The following RBMS1 variants were observed in gnomAD, a reference collection of about 807,000 sequenced individuals.
RBMS1 encodes the protein RNA-binding motif, single-stranded-interacting protein 1.
RBMS1 carries 17 observed loss-of-function variants against 62.3 expected under a neutral mutation model. The observed-to-expected ratio is 0.27, with a 90% confidence interval of 0.19 to 0.41. The LOEUF (loss-of-function observed/expected upper bound fraction) is 0.41. Among genes scored for constraint, RBMS1 ranks in the 10% least tolerant of loss-of-function variants. The probability of loss-of-function intolerance (pLI) is 1.00; values close to 1 mark genes in which losing one functional copy is unlikely to be tolerated. For missense variants in RBMS1, 334 were observed against 504.5 expected, an observed-to-expected ratio of 0.66 and a Z score of 3.24; for synonymous variants, 172 against 170.0, an observed-to-expected ratio of 1.01 and a Z score of -0.09.
At position 160,367,317 on chromosome 2, in the gene RBMS1, G is replaced by A. The variant is rs1159164561; in HGVS notation, c.150C>T (p.Ser50=). Residue 50 remains serine, a synonymous_variant, in exon 2 of 14, where the codon AGC becomes AGT. Coordinates refer to ENST00000348849, the MANE Select transcript of RBMS1 (RefSeq NM_016836.4). ...GCTGATCCCATCCTGAGTTGCTACTGCTGCTACTGTTGTTATTACTGCTGG... is the reference window on the plus strand; with the variant it reads ...GCTGATCCCATCCTGAGTTGCTACTACTGCTACTGTTGTTATTACTGCTGG... ...STTSSNNNSS[S]SSNSGWDQLS... 5.0e-6 allele frequency: 8 copies of A among 1,613,956 alleles called. No individual in the cohort carries two copies. Among genetic ancestry groups the A allele is most frequent in the Non-Finnish European group, 6.8e-6 (8 of 1,180,010 alleles).
At chr2:160,475,946 C>A (rs1258589682) in intron 1 of RBMS1, among the ~76,000 whole-genome samples, 1 of 151,716 alleles carries the variant, frequency 6.6e-6, no homozygotes, top group African/African-American at 2.4e-5. Flanking sequence ...AACCTTCGCC[C>A]CCCGAGCTCT....
At chr2:160,313,340 C>A in intron 3 of RBMS1, 93 bp from the exon 4 acceptor site, 1 of 1,228,270 alleles carries the variant, frequency 8.1e-7, no homozygotes, top group African/African-American at 1.5e-5. Flanking sequence ...CTGGTGTGGG[C>A]AAGAGACATG....
At chr2:160,487,168 T>C (rs1360101223) in intron 1 of RBMS1, among the ~76,000 whole-genome samples, 1 of 152,232 alleles carries the variant, frequency 6.6e-6, no homozygotes, top group African/African-American at 2.4e-5. Flanking sequence ...ACAATGCTGG[T>C]AAGTAAAAAA....
chr2:160,375,705 A>G (rs1462888361), intron 1 of RBMS1, among the ~76,000 whole-genome samples: 1 of 152,198 alleles, frequency 6.6e-6, no homozygotes, highest in African/African-American at 2.4e-5. Context: ...CAGTAATTAG[A>G]ACGCAGTAAA....
chr2:160,460,070 G>A (rs1325837712), intron 1 of RBMS1, among the ~76,000 whole-genome samples: 1 of 152,180 alleles, frequency 6.6e-6, no homozygotes, highest in Non-Finnish European at 1.5e-5. Context: ...CCCACAGAAG[G>A]CAGATGCTCC....
intron 5 of RBMS1, 35 bp downstream of exon 5, chr2:160,303,294 GT>G: frequency 6.5e-7 from 1 of 1,538,306 alleles, no homozygotes; most frequent in Non-Finnish European, 8.7e-7. Context: ...CAAAGCTATT[GT>G]TGTTGACATA....
intron 1 of RBMS1, among the ~76,000 whole-genome samples, chr2:160,368,287 C>T (rs1216268248): frequency 2.0e-5 from 3 of 152,174 alleles, no homozygotes; most frequent in African/African-American, 7.2e-5. Flanking sequence ...AGGACAGGGA[C>T]GTTTTTTCAC....
At chr2:160,339,728 A>C (rs1691767897) in intron 2 of RBMS1, among the ~76,000 whole-genome samples, 1 of 152,330 alleles carries the variant, frequency 6.6e-6, no homozygotes, top group Admixed American at 6.5e-5. Flanking sequence ...ACACACATAC[A>C]CATACATACA....
chr2:160,315,653 A>G (rs1004704110), intron 3 of RBMS1, among the ~76,000 whole-genome samples: 1 of 152,172 alleles, frequency 6.6e-6, no homozygotes, highest in African/African-American at 2.4e-5. Flanking sequence ...ATTTTTGCTA[A>G]TGTGTATAAG....
At chr2:160,488,352 C>T (rs1208420996) in intron 1 of RBMS1, among the ~76,000 whole-genome samples, 1 of 152,192 alleles carries the variant, frequency 6.6e-6, no homozygotes, top group East Asian at 1.9e-4. Context: ...GCTGAGGCGG[C>T]GGATCACGAG....
intron 1 of RBMS1, among the ~76,000 whole-genome samples, chr2:160,464,331 G>C (rs10192471): frequency 0.51 from 76,931 of 152,098 alleles, 20,562 homozygotes; most frequent in Admixed American, 0.63. Flanking sequence ...AATAAAATAA[G>C]ACATTTCTCA....
intron 11 of RBMS1, chr2:160,278,252 G>A: frequency 2.6e-6 from 1 of 384,014 alleles, no homozygotes; most frequent in East Asian, 5.7e-5. Flanking sequence ...TCATGACACT[G>A]CCACAGGGAC....
Position 160,352,410 on chromosome 2 carries a change from C to A in RBMS1, c.251+14806G>T, listed in dbSNP as rs187944917. Reference sequence around the variant, plus strand: ...TACCAAATTAGGCTCTGAAGAAGTACTTTAGGGGTTCCATCAATTTTCCAT... The same window carrying A: ...TACCAAATTAGGCTCTGAAGAAGTAATTTAGGGGTTCCATCAATTTTCCAT... On this transcript the variant is annotated intron_variant, in intron 2 of 13. Coordinates refer to ENST00000348849, the MANE Select transcript of RBMS1 (RefSeq NM_016836.4). Among the ~76,000 whole-genome samples, 7 of 152,214 alleles carry A rather than the reference C, an allele frequency of 4.6e-5. No individual in the cohort carries two copies. The East Asian group carries it at 1.4e-3, about 29-fold the overall frequency.
chr2:160,300,604 T>C (rs1383016866), intron 6 of RBMS1, 47 bp downstream of exon 6: 5 of 1,540,768 alleles, frequency 3.2e-6, no homozygotes, highest in Admixed American at 4.2e-5. Flanking sequence ...AAGTTAAACA[T>C]ACATCATATA....
At chr2:160,276,286 G>T (rs1278718434) in intron 12 of RBMS1, among the ~76,000 whole-genome samples, 2 of 151,992 alleles carry the variant, frequency 1.3e-5, no homozygotes, top group Non-Finnish European at 2.9e-5. Flanking sequence ...AGGAATTGTA[G>T]GCTCTGGTAA....
intron 1 of RBMS1, among the ~76,000 whole-genome samples, chr2:160,453,864 T>C (rs1419885246): frequency 6.6e-6 from 1 of 152,192 alleles, no homozygotes; most frequent in Non-Finnish European, 1.5e-5. Flanking sequence ...AGTATATACT[T>C]TGGTGCCCCT....
chr2:160,296,137 TC>T (rs1688923139), intron 6 of RBMS1, among the ~76,000 whole-genome samples: 1 of 152,200 alleles, frequency 6.6e-6, no homozygotes, highest in East Asian at 1.9e-4. Flanking sequence ...ACAAAATTTC[TC>T]CTTTGTCTTT....
intron 2 of RBMS1, among the ~76,000 whole-genome samples, chr2:160,352,447 G>A (rs1217471656): frequency 6.6e-6 from 1 of 152,076 alleles, no homozygotes; most frequent in Non-Finnish European, 1.5e-5. Flanking sequence ...TGAATATTTT[G>A]TATTTAAAGA....
At chr2:160,484,233 T>C (rs371152877) in intron 1 of RBMS1, among the ~76,000 whole-genome samples, 23 of 151,012 alleles carry the variant, frequency 1.5e-4, no homozygotes, top group Middle Eastern at 3.6e-3. Context: ...CGGTGGCTCA[T>C]GCCTGTAATC....
Sources: allele counts gnomAD v4.1 joint callset (sites outside exome capture counted in the v4.1 genomes callset), GRCh38; gene constraint gnomAD v4.1.1; transcripts MANE v1.5; gene names NCBI Gene and HGNC (gene_info 2026-07-23, HGNC 2026-07-21).